ADGRB1: variants seen among roughly 807,000 people sequenced by gnomAD.
The protein encoded by ADGRB1 is brain-specific angiogenesis inhibitor 1.
A neutral mutation model predicts 175.7 loss-of-function variants in ADGRB1; 36 were observed. That is an observed-to-expected ratio of 0.20 (90% CI 0.16 to 0.27). The LOEUF (loss-of-function observed/expected upper bound fraction) is 0.27. Among genes scored for constraint, ADGRB1 ranks in the 10% least tolerant of loss-of-function variants. The pLI is 1.00. For synonymous variants in ADGRB1, 1,054 were observed against 979.4 expected, an observed-to-expected ratio of 1.08 and a Z score of -1.42; for missense variants, 1,731 against 2,255.3, an observed-to-expected ratio of 0.77 and a Z score of 4.71.
Position 142,464,783 on chromosome 8 carries a change from G to C in ADGRB1, c.585G>C (p.Ala195=), listed in dbSNP as rs1484430374. 5 of 1,534,966 alleles carry C rather than the reference G, an allele frequency of 3.3e-6. No individual in the cohort carries two copies. Among genetic ancestry groups the C allele is most frequent in the Non-Finnish European group, 4.4e-6 (5 of 1,145,700 alleles). Residue 195 remains alanine, a synonymous_variant, in exon 2 of 31, where the codon GCG becomes GCC. Coordinates refer to ENST00000517894, the MANE Select transcript of ADGRB1 (RefSeq NM_001702.3). Reference sequence around the variant, plus strand: ...AGATGCTGTGCCGCTGGCTGGACGCGTGTCTGGCCGGTAGTCGCAGCTCGC... The same window carrying C: ...AGATGCTGTGCCGCTGGCTGGACGCCTGTCTGGCCGGTAGTCGCAGCTCGC... ...ACQMLCRWLD[A]CLAGSRSSHP... is the part of the protein sequence containing the mutation.
chr8:142,510,842 G>A lies in ADGRB1; in HGVS notation c.2676-90G>A. On this transcript the variant is annotated intron_variant, in intron 17 of 30. Transcript: ENST00000517894. The surrounding 1 kb of genome is among the most constrained non-coding windows in gnomAD (Gnocchi z 6.3). ...GGCGGGCCGGGGCCGGGGCCGGGGC[G>A]CGGAGCCGCCGCTCGGGGGCCGGGG... is the stretch of plus-strand genomic sequence containing the variant. 25 of 684,494 alleles carry A rather than the reference G, an allele frequency of 3.7e-5. No homozygotes were observed. The highest frequency in any genetic ancestry group is 4.3e-5 in the Non-Finnish European group (24 of 557,656). 42.4% of individuals were successfully genotyped at this position (684,494 alleles called of 1,614,324 possible). A position where few individuals can be genotyped will look rare whatever the true frequency, so the allele number is the denominator to read the frequency against.
chr8:142,479,478 C>T lies in ADGRB1; in HGVS notation c.1717C>T (p.Arg573Trp), dbSNP rs932540819. ...TGAGTACCGGCAGTGCGGCACCCAGCGGTGTCCCGGTGAGGCCCCTCCTAC... is the reference window on the plus strand; with the variant it reads ...TGAGTACCGGCAGTGCGGCACCCAGTGGTGTCCCGGTGAGGCCCCTCCTAC... Reference protein sequence around the residue: ...QDEYRQCGTQRCPEPHEICDE... With the variant: ...QDEYRQCGTQWCPEPHEICDE... Residue 573 changes from arginine to tryptophan, a missense_variant, in exon 8 of 31, where the codon CGG becomes TGG. Around this residue, in one of 8 missense-constraint regions of ADGRB1, gnomAD observed 388 missense variants for 630.9 expected, o/e 0.61. Transcript: ENST00000517894. The T allele has an allele frequency of 1.2e-5, 19 of 1,543,548 alleles. No homozygotes were observed. Among genetic ancestry groups the T allele is most frequent in the East Asian group, 2.3e-5 (1 of 42,666 alleles).
Position 142,490,754 on chromosome 8 carries a change from C to T in ADGRB1, c.2632-18C>T. The T allele has an allele frequency of 1.3e-6, 2 of 1,569,200 alleles. No individual in the cohort carries two copies. Among genetic ancestry groups the T allele is most frequent in the Non-Finnish European group, 1.7e-6 (2 of 1,157,248 alleles). On this transcript the variant is annotated intron_variant, in intron 16 of 30. Coordinates refer to ENST00000517894, the MANE Select transcript of ADGRB1 (RefSeq NM_001702.3). ...TCCTGGCTGCCAGGGGCCCTGACTC[C>T]TCTCCCCTCTCTCCCAGGGCACCAC...
At chr8:142,538,519 AG>A (rs1379175936) in intron 26 of ADGRB1, among the ~76,000 whole-genome samples, 1 of 152,150 alleles carries the variant, frequency 6.6e-6, no homozygotes, top group Non-Finnish European at 1.5e-5. Flanking sequence ...CTCTGATCCC[AG>A]GGGGAAGATT....
chr8:142,528,167 C>T (rs943857453), intron 24 of ADGRB1, among the ~76,000 whole-genome samples: 1 of 152,256 alleles, frequency 6.6e-6, no homozygotes, highest in Non-Finnish European at 1.5e-5. Context: ...ACACATGCCA[C>T]GAGGACCTGC....
chr8:142,481,081 G>A (rs556501928), intron 9 of ADGRB1, among the ~76,000 whole-genome samples, 173 bp from the exon 10 acceptor site: 34 of 152,370 alleles, frequency 2.2e-4, no homozygotes, highest in African/African-American at 6.3e-4. Context: ...GAAATGTGTT[G>A]ATGAAGGGAA....
At chr8:142,533,746 C>G (rs940852126) in intron 25 of ADGRB1, among the ~76,000 whole-genome samples, 3 of 152,146 alleles carry the variant, frequency 2.0e-5, no homozygotes, top group African/African-American at 7.2e-5. Context: ...CACATGGGGC[C>G]CCCATCCTCA....
intron 18 of ADGRB1, among the ~76,000 whole-genome samples, chr8:142,514,387 T>C (rs1843297883): frequency 6.6e-6 from 1 of 152,150 alleles, no homozygotes; most frequent in African/African-American, 2.4e-5. Flanking sequence ...GCTCTGCGGC[T>C]GCAGCAGGCC....
chr8:142,455,972 G>C lies in ADGRB1; in HGVS notation c.-220+5868G>C, dbSNP rs2131627260. On this transcript the variant is annotated intron_variant, in intron 1 of 30. Transcript: ENST00000517894. The surrounding 1 kb of genome is among the most constrained non-coding windows in gnomAD (Gnocchi z 4.9). ...GAGCGTCCAGGGTAGCGCCTGTGTA[G>C]TGCCAGGGAGGGTAGGGCTGTCCAG... 6.6e-6 allele frequency among the ~76,000 whole-genome samples: 1 copy of C among 152,272 alleles called. No homozygotes were observed. Among genetic ancestry groups the C allele is most frequent in the East Asian group, 1.9e-4 (1 of 5,170 alleles).
Position 142,455,088 on chromosome 8 carries a change from C to T in ADGRB1, c.-220+4984C>T, listed in dbSNP as rs1177891761. On this transcript the variant is annotated intron_variant, in intron 1 of 30. Coordinates refer to ENST00000517894, the MANE Select transcript of ADGRB1 (RefSeq NM_001702.3). The surrounding 1 kb of genome is among the most constrained non-coding windows in gnomAD (Gnocchi z 4.9). ...TATTTGACACCAGCACCCTCACTGC[C>T]CCCCTACCATCTCACCCCACCCCAT... Among the ~76,000 whole-genome samples the T allele has an allele frequency of 6.7e-6, 1 of 149,338 alleles. No homozygotes were observed. The highest frequency in any genetic ancestry group is 6.7e-5 in the Admixed American group (1 of 14,956).
At chr8:142,524,689 A>G (rs1000709682) in intron 23 of ADGRB1, among the ~76,000 whole-genome samples, 2 of 152,164 alleles carry the variant, frequency 1.3e-5, no homozygotes, top group Admixed American at 6.5e-5. Context: ...GTCTGGCCCC[A>G]GAGCGCCAGA....
At chr8:142,451,179 C>G (rs1839328734) in intron 1 of ADGRB1, among the ~76,000 whole-genome samples, 1 of 152,106 alleles carries the variant, frequency 6.6e-6, no homozygotes, top group South Asian at 2.1e-4. Flanking sequence ...TGAGAATCAC[C>G]GCGAAGCGAT....
Position 142,543,411 on chromosome 8 carries a change from G to A in ADGRB1, c.4422G>A (p.Lys1474=), listed in dbSNP as rs749799176. 9.9e-6 allele frequency: 16 copies of A among 1,613,688 alleles called. No homozygotes were observed. The Admixed American group carries it at 1.2e-4, about 12-fold the overall frequency. The change falls in exon 29 of 31, where the codon AAG becomes AAA. Residue 1474 remains lysine (K), a synonymous_variant. Transcript: ENST00000517894. The surrounding 1 kb of genome is among the most constrained non-coding windows in gnomAD (Gnocchi z 4.4). ...ACCCCTTCTCCCTGCAGCGGCGGAA[G>A]TCGCGGTATGCAGAACTGGACTTTG... ...TLSVSSLERR[K]SRYAELDFEK...
intron 11 of ADGRB1, 128 bp from the exon 12 acceptor site, chr8:142,483,849 T>C: frequency 1.0e-6 from 1 of 974,538 alleles, no homozygotes. Context: ...GGTCACACAC[T>C]GAGCCCTGAT....
intron 1 of ADGRB1, among the ~76,000 whole-genome samples, chr8:142,457,206 C>A (rs1839728919): frequency 6.6e-6 from 1 of 152,200 alleles, no homozygotes; most frequent in African/African-American, 2.4e-5. Flanking sequence ...CAGCTCCTAT[C>A]TTCCCCTGGA....
intron 1 of ADGRB1, among the ~76,000 whole-genome samples, chr8:142,463,467 C>T (rs1435041027): frequency 6.6e-6 from 1 of 152,270 alleles, no homozygotes; most frequent in Non-Finnish European, 1.5e-5. Flanking sequence ...TTCTCCTGTG[C>T]TCCGGGCCCA....
At chr8:142,479,279 G>T in intron 7 of ADGRB1, 44 bp from the exon 8 acceptor site, 1 of 1,448,478 alleles carries the variant, frequency 6.9e-7, no homozygotes. Flanking sequence ...CCTGGACCCT[G>T]CCCTTCTTGT....
chr8:142,475,663 C>G, intron 3 of ADGRB1, 28 bp downstream of exon 3: 1 of 1,108,592 alleles, frequency 9.0e-7, no homozygotes, highest in Non-Finnish European at 1.1e-6. Context: ...GGGGCGGAGC[C>G]GGAGCCCTGG....
chr8:142,497,393 C>T (rs891481022), intron 17 of ADGRB1, among the ~76,000 whole-genome samples: 2 of 152,078 alleles, frequency 1.3e-5, no homozygotes, highest in African/African-American at 4.8e-5. Context: ...GGGGGGGAAG[C>T]GGAAGGAAGA....
Sources: allele counts gnomAD v4.1 joint callset (sites outside exome capture counted in the v4.1 genomes callset), GRCh38; gene constraint gnomAD v4.1.1; regional missense constraint gnomAD v4.1.1; non-coding constraint Gnocchi (gnomAD v3.1); transcripts MANE v1.5; gene names NCBI Gene and HGNC (gene_info 2026-07-23, HGNC 2026-07-21).